GRIN2A: variants seen among roughly 807,000 people sequenced by gnomAD.
GRIN2A encodes the protein glutamate ionotropic receptor NMDA type subunit 2A, also known as glutamate receptor ionotropic, NMDA 2A.
A neutral mutation model predicts 113.4 loss-of-function variants in GRIN2A; 22 were observed. The observed-to-expected ratio is 0.19, with a 90% CI of 0.14 to 0.28. GRIN2A has a LOEUF of 0.28. Ranked by LOEUF, GRIN2A falls within the 10% of genes least tolerant of loss-of-function variation. GRIN2A has a pLI of 1.00. For synonymous variants in GRIN2A, 827 were observed against 738.4 expected, an observed-to-expected ratio of 1.12 and a Z score of -1.94; for missense variants, 1,502 against 1,887.0, an observed-to-expected ratio of 0.80 and a Z score of 3.78.
At position 9,763,566 on chromosome 16, in the gene GRIN2A, G is replaced by A. The variant is rs368066766; in HGVS notation, c.3978C>T (p.Gly1326=). The A allele has an allele frequency of 3.1e-6, 5 of 1,613,796 alleles. No individual in the cohort carries two copies. The highest frequency in any genetic ancestry group is 4.2e-6 in the Non-Finnish European group (5 of 1,179,962). The stretch of plus-strand genomic sequence containing the variant: ...TGCTTGAGGGGACACTAAACAGGCT[G>A]CCGTAAAAATTTCCCTCCAGAAGCC... The part of the protein sequence containing the change: ...RERLLEGNFY[G]SLFSVPSSKL... Residue 1326 remains glycine (G), a synonymous_variant, in exon 13 of 13, where the codon GGC becomes GGT. Transcript: ENST00000330684.
intron 2 of GRIN2A, among the ~76,000 whole-genome samples, chr16:10,016,180 T>G (rs1202878533): frequency 7.0e-6 from 1 of 142,098 alleles, no homozygotes; most frequent in African/African-American, 2.6e-5. Flanking sequence ...CCCAGGGTAA[T>G]GTAAGAGGCG....
At chr16:9,868,557 G>A (rs757573131) in intron 4 of GRIN2A, among the ~76,000 whole-genome samples, 8 of 152,106 alleles carry the variant, frequency 5.3e-5, no homozygotes, top group East Asian at 3.9e-4. Context: ...ATGAGCCACC[G>A]TGCCTAGCCC....
chr16:10,048,194 G>C (rs950747477), intron 2 of GRIN2A, among the ~76,000 whole-genome samples: 2 of 152,202 alleles, frequency 1.3e-5, no homozygotes, highest in Non-Finnish European at 1.5e-5. Context: ...GTAAAATGCA[G>C]ATAATAATAC....
At chr16:9,939,865 G>T (rs528644879) in intron 2 of GRIN2A, among the ~76,000 whole-genome samples, 2 of 152,120 alleles carry the variant, frequency 1.3e-5, no homozygotes, top group African/African-American at 2.4e-5. Context: ...AGCAAAACAG[G>T]ATTTGAGAAG....
chr16:10,136,590 A>G (rs2142237992), intron 2 of GRIN2A, among the ~76,000 whole-genome samples: 1 of 152,302 alleles, frequency 6.6e-6, no homozygotes, highest in African/African-American at 2.4e-5. Context: ...AATCATTGCA[A>G]TATTTTGCTC....
intron 2 of GRIN2A, among the ~76,000 whole-genome samples, chr16:9,980,284 G>C (rs2045866345): frequency 6.6e-6 from 1 of 151,374 alleles, no homozygotes; most frequent in African/African-American, 2.4e-5. Context: ...AAAAAAGAGA[G>C]TGATACCATC....
In GRIN2A at chr16:10,180,478, G is replaced by A. The variant is rs2050246477; in HGVS notation, c.-18-49C>T. The A allele has an allele frequency of 1.3e-6, 2 of 1,555,386 alleles. No individual in the cohort carries two copies. The highest frequency in any genetic ancestry group is 2.3e-5 in the South Asian group (2 of 86,396). On this transcript the variant is annotated intron_variant, in intron 1 of 12. Coordinates refer to ENST00000330684, the MANE Select transcript of GRIN2A (RefSeq NM_001134407.3). This position sits in a 1 kb window ranked among gnomAD's most constrained non-coding sequence, Gnocchi z 7.0. ...AGGGCCGCGGTGAGCAAGGCGACCAGAAGAAAGGGATTACCAACTTGGCTT... is the reference window on the plus strand; with the variant it reads ...AGGGCCGCGGTGAGCAAGGCGACCAAAAGAAAGGGATTACCAACTTGGCTT...
chr16:10,015,683 G>C (rs1367048616), intron 2 of GRIN2A, among the ~76,000 whole-genome samples: 1 of 152,106 alleles, frequency 6.6e-6, no homozygotes, highest in Non-Finnish European at 1.5e-5. Context: ...TCACCCATTG[G>C]CTGCATTCCC....
intron 2 of GRIN2A, among the ~76,000 whole-genome samples, chr16:9,953,037 G>A (rs935423843): frequency 6.6e-6 from 1 of 152,130 alleles, no homozygotes; most frequent in Non-Finnish European, 1.5e-5. Context: ...AGGACCACTT[G>A]AGCTTGAGTA....
In GRIN2A at chr16:9,796,256, T is replaced by C. The variant is rs186446728; in HGVS notation, c.2356+2021A>G. On this transcript the variant is annotated intron_variant, in intron 11 of 12. Coordinates refer to ENST00000330684, the MANE Select transcript of GRIN2A (RefSeq NM_001134407.3). ...CAGCCAAATGAAATACATCTTAACA[T>C]CAATCAATCATTCATCCATACATGT... 2.9e-4 allele frequency among the ~76,000 whole-genome samples: 43 copies of C among 149,970 alleles called. No homozygotes were observed. In the East Asian group the frequency reaches 7.3e-3, roughly 26 times the overall value.
chr16:9,952,663 A>C (rs1241566305), intron 2 of GRIN2A, among the ~76,000 whole-genome samples: 2 of 152,102 alleles, frequency 1.3e-5, no homozygotes, highest in Non-Finnish European at 2.9e-5. Context: ...TCAATGTCCT[A>C]TTTGATAGAA....
intron 2 of GRIN2A, among the ~76,000 whole-genome samples, chr16:10,055,046 T>TAAAAAAAAAAAAAAAAAAAAAAAAAA (rs1567266287): frequency 3.2e-4 from 4 of 12,488 alleles, no homozygotes; most frequent in Non-Finnish European, 4.0e-4. Context: ...AGACTCTATC[T>TAAAAAAAAAAAAAAAAAAAAAAAAAA]CAAAAAAAAA....
At chr16:10,100,107 G>A (rs72774194) in intron 2 of GRIN2A, among the ~76,000 whole-genome samples, 12,135 of 152,266 alleles carry the variant, frequency 0.08, 620 homozygotes, top group Non-Finnish European at 0.12. Context: ...GAGGGCAACT[G>A]CAAGAAGGCC....
At chr16:9,916,057 T>C (rs906690067) in intron 3 of GRIN2A, among the ~76,000 whole-genome samples, 3 of 152,182 alleles carry the variant, frequency 2.0e-5, no homozygotes, top group African/African-American at 7.2e-5. Flanking sequence ...TCTTCTGGAG[T>C]TGGAGGCATA....
At chr16:10,115,304 G>C (rs2048709836) in intron 2 of GRIN2A, among the ~76,000 whole-genome samples, 1 of 152,068 alleles carries the variant, frequency 6.6e-6, no homozygotes, top group Non-Finnish European at 1.5e-5. Context: ...AATTAGTGAA[G>C]TATTTCTGGG....
At chr16:9,881,596 A>G (rs936920418) in intron 4 of GRIN2A, among the ~76,000 whole-genome samples, 1 of 152,218 alleles carries the variant, frequency 6.6e-6, no homozygotes, top group African/African-American at 2.4e-5. Context: ...AAAAGCCCAT[A>G]CTAAAAGATG....
At chr16:9,980,718 C>T (rs2045876166) in intron 2 of GRIN2A, among the ~76,000 whole-genome samples, 1 of 151,850 alleles carries the variant, frequency 6.6e-6, no homozygotes, top group South Asian at 2.1e-4. Flanking sequence ...AACCATCATT[C>T]TCAGCAAATT....
At chr16:9,796,862 AC>A (rs1903022970) in intron 11 of GRIN2A, among the ~76,000 whole-genome samples, 1 of 152,228 alleles carries the variant, frequency 6.6e-6, no homozygotes, top group Non-Finnish European at 1.5e-5. Context: ...CAAAAAGCTG[AC>A]CAACACAGCC....
At chr16:10,175,549 C>T (rs556489860) in intron 2 of GRIN2A, among the ~76,000 whole-genome samples, 127 of 152,154 alleles carry the variant, frequency 8.3e-4, no homozygotes, top group Non-Finnish European at 1.7e-3. Flanking sequence ...TTCCTAAGTG[C>T]TCTACAATGA....
Sources: allele counts gnomAD v4.1 joint callset (sites outside exome capture counted in the v4.1 genomes callset), GRCh38; gene constraint gnomAD v4.1.1; non-coding constraint Gnocchi (gnomAD v3.1); transcripts MANE v1.5; gene names NCBI Gene and HGNC (gene_info 2026-07-23, HGNC 2026-07-21).